STRN3: variants seen among roughly 807,000 people sequenced by gnomAD.
STRN3 encodes the protein striatin 3.
In STRN3, 29 loss-of-function variants were observed where a neutral mutation model predicts 95.6. The observed-to-expected ratio is 0.30, with a 90% CI of 0.23 to 0.41. STRN3 has a LOEUF of 0.41. Among genes scored for constraint, STRN3 ranks in the 10% least tolerant of loss-of-function variants. STRN3 has a pLI of 1.00. For missense variants in STRN3, 890 were observed against 972.1 expected, an observed-to-expected ratio of 0.92 and a Z score of 1.12; for synonymous variants, 331 against 357.6, an observed-to-expected ratio of 0.93 and a Z score of 0.84.
At chr14:30,943,533 A>T (rs1276971097) in intron 5 of STRN3, among the ~76,000 whole-genome samples, 3 of 152,144 alleles carry the variant, frequency 2.0e-5, no homozygotes, top group Non-Finnish European at 4.4e-5. Flanking sequence ...CTGGGAAGTT[A>T]TGGCTACAGT....
At chr14:31,003,261 C>CAA (rs376981218) in intron 1 of STRN3, among the ~76,000 whole-genome samples, 1,111 of 82,516 alleles carry the variant, frequency 0.013, 13 homozygotes, top group African/African-American at 0.042. Context: ...ACTCTGTCTC[C>CAA]AAAAAAAAAA....
At chr14:30,971,468 T>C (rs896206185) in intron 1 of STRN3, among the ~76,000 whole-genome samples, 14 of 152,120 alleles carry the variant, frequency 9.2e-5, no homozygotes, top group African/African-American at 3.4e-4. Flanking sequence ...AAAATGTAGA[T>C]TGGATAAACT....
intron 2 of STRN3, 127 bp downstream of exon 2, chr14:30,956,012 G>T: frequency 1.4e-6 from 1 of 698,806 alleles, no homozygotes; most frequent in Non-Finnish European, 2.3e-6. Flanking sequence ...ATCAAATCAA[G>T]ACAGCATCAT....
At chr14:31,003,985 T>C (rs1882598115) in intron 1 of STRN3, among the ~76,000 whole-genome samples, 1 of 151,378 alleles carries the variant, frequency 6.6e-6, no homozygotes, top group Non-Finnish European at 1.5e-5. Flanking sequence ...AGACCTCATC[T>C]CAACAAAGAA....
chr14:30,970,712 G>C (rs1880785806), intron 1 of STRN3, among the ~76,000 whole-genome samples: 1 of 152,188 alleles, frequency 6.6e-6, no homozygotes, highest in African/African-American at 2.4e-5. Context: ...CTAAGGACAA[G>C]GCCAAGATAG....
chr14:31,021,807 G>A (rs1011279772), intron 1 of STRN3, among the ~76,000 whole-genome samples: 4 of 152,170 alleles, frequency 2.6e-5, no homozygotes, highest in African/African-American at 9.7e-5. Context: ...GTTCTACGAA[G>A]TGTTTAGAAG....
chr14:30,928,784 C>T (rs1472661196), intron 8 of STRN3, among the ~76,000 whole-genome samples: 10 of 152,120 alleles, frequency 6.6e-5, no homozygotes, highest in African/African-American at 2.4e-4. Flanking sequence ...AAGGGCTTTC[C>T]TATTCACTGT....
chr14:30,933,573 A>G lies in STRN3; in HGVS notation c.988+1590T>C, dbSNP rs1566443743. ...CATTGAATGTCTGCACAGAGAAGCT[A>G]AAAGAAAAGTTAAATATTTTTGCTG... On this transcript the variant is annotated intron_variant, in intron 7 of 17. Transcript: ENST00000357479. Among the ~76,000 whole-genome samples the G allele has an allele frequency of 4.6e-5, 7 of 152,274 alleles. No individual in the cohort carries two copies. The South Asian group carries it at 1.4e-3, about 32-fold the overall frequency.
intron 1 of STRN3, among the ~76,000 whole-genome samples, chr14:31,008,057 G>C (rs1882800529): frequency 6.6e-6 from 1 of 152,048 alleles, no homozygotes; most frequent in African/African-American, 2.4e-5. Flanking sequence ...CAGGCATGAT[G>C]GCGGGTGCCT....
chr14:31,020,401 A>T (rs1883448536), intron 1 of STRN3, among the ~76,000 whole-genome samples: 1 of 152,060 alleles, frequency 6.6e-6, no homozygotes, highest in Non-Finnish European at 1.5e-5. Context: ...CAGAAGACTG[A>T]GGCATGAGAA....
intron 3 of STRN3, among the ~76,000 whole-genome samples, chr14:30,953,760 G>C (rs1189144770): frequency 2.6e-5 from 4 of 152,096 alleles, no homozygotes; most frequent in African/African-American, 9.7e-5. Flanking sequence ...CCCCTAAATA[G>C]CTGGGACTAC....
At chr14:31,003,210 C>T (rs1182151498) in intron 1 of STRN3, among the ~76,000 whole-genome samples, 2 of 147,698 alleles carry the variant, frequency 1.4e-5, no homozygotes, top group Non-Finnish European at 3.0e-5. Context: ...TGCAGTGAGC[C>T]AAGACCACGC....
intron 1 of STRN3, among the ~76,000 whole-genome samples, chr14:30,991,350 T>G (rs1189457298): frequency 6.6e-6 from 1 of 152,144 alleles, no homozygotes; most frequent in Non-Finnish European, 1.5e-5. Context: ...ATTCTTTCAT[T>G]CTGGGGTACA....
rs997026668 is a variant in STRN3 at position 30,958,704 on chromosome 14, T to C, written c.283-2462A>G. Among the ~76,000 whole-genome samples the C allele has an allele frequency of 6.0e-4, 91 of 152,184 alleles. 1 individual carries two copies. The highest frequency in any genetic ancestry group is 2.1e-3 in the African/African-American group (87 of 41,450). ...TATTCTGCTTCTGAAGAAGTAAAAA[T>C]TGGTGGGTTTCTGATTGAGAAAGGC... On this transcript the variant is annotated intron_variant, in intron 1 of 17. Coordinates refer to ENST00000357479, the MANE Select transcript of STRN3 (RefSeq NM_001083893.2).
At chr14:30,975,836 TAAAAAAAAA>T (rs528570710) in intron 1 of STRN3, among the ~76,000 whole-genome samples, 2 of 113,146 alleles carry the variant, frequency 1.8e-5, no homozygotes, top group East Asian at 5.5e-4. Flanking sequence ...CCTGGCTCTT[TAAAAAAAAA>T]AAAAAAAAAA....
At chr14:30,901,785 A>G (rs1265707320) in intron 16 of STRN3, among the ~76,000 whole-genome samples, 2 of 152,212 alleles carry the variant, frequency 1.3e-5, no homozygotes, top group Admixed American at 6.5e-5. Flanking sequence ...TACAACTGGT[A>G]TATTTCCCTA....
intron 1 of STRN3, among the ~76,000 whole-genome samples, chr14:30,980,906 C>A (rs1305868476): frequency 2.0e-5 from 3 of 151,842 alleles, no homozygotes; most frequent in Non-Finnish European, 4.4e-5. Flanking sequence ...AAGCAAACAT[C>A]CAAGGAATTA....
intron 8 of STRN3, among the ~76,000 whole-genome samples, chr14:30,928,434 A>C (rs977149658): frequency 6.6e-6 from 1 of 152,340 alleles, no homozygotes; most frequent in South Asian, 2.1e-4. Flanking sequence ...AGTCCCAAAA[A>C]TAAGTTTCAA....
intron 1 of STRN3, among the ~76,000 whole-genome samples, chr14:30,963,081 T>G (rs1487733409): frequency 7.8e-6 from 1 of 127,704 alleles, no homozygotes; most frequent in East Asian, 2.4e-4. Context: ...ACGTGACACA[T>G]GACTACGCTA....
Sources: allele counts gnomAD v4.1 joint callset (sites outside exome capture counted in the v4.1 genomes callset), GRCh38; gene constraint gnomAD v4.1.1; transcripts MANE v1.5; gene names NCBI Gene and HGNC (gene_info 2026-07-23, HGNC 2026-07-21).